Variants in RIOK3 observed in about 807,000 individuals in gnomAD.
RIOK3 encodes the protein RIO kinase 3, also known as serine/threonine-protein kinase RIO3.
A neutral mutation model predicts 63.5 loss-of-function variants in RIOK3; 40 were observed. The observed-to-expected ratio is 0.63, with a 90% CI of 0.49 to 0.82. RIOK3 has a LOEUF of 0.82. Ranked by LOEUF, RIOK3 falls within the 40% of genes least tolerant of loss-of-function variation. RIOK3 has a pLI of 0.00. For missense variants in RIOK3, 557 were observed against 637.0 expected (o/e 0.87, Z 1.35); for synonymous variants, 193 against 205.0 (o/e 0.94, Z 0.50).
Position 23,477,234 on chromosome 18 carries a change from A to G in RIOK3, c.1310A>G (p.Glu437Gly). 2 of 1,614,134 alleles carry G rather than the reference A, an allele frequency of 1.2e-6. No individual in the cohort carries two copies. Among genetic ancestry groups the G allele is most frequent in the South Asian group, 1.1e-5 (1 of 91,070 alleles). The change falls in exon 11 of 13, where the codon GAG becomes GGG. Residue 437 changes from glutamate to glycine, a missense_variant. Coordinates refer to ENST00000339486, the MANE Select transcript of RIOK3 (RefSeq NM_003831.5). Reference protein sequence around the residue: ...SVEPTHPHGLEFLFRDCRNVS... With the variant: ...SVEPTHPHGLGFLFRDCRNVS... The stretch of plus-strand genomic sequence containing the variant: ...GAACCTACCCACCCTCACGGCCTGG[A>G]GTTCTTGTTCCGGGACTGCAGGAAT...
rs574692143 is a variant in RIOK3, at chr18:23,462,006, C to T, written c.64-958C>T. Among the ~76,000 whole-genome samples the T allele has an allele frequency of 7.5e-5, 11 of 147,372 alleles. No homozygotes were observed. In the South Asian group the frequency reaches 2.6e-3, roughly 34 times the overall value. On this transcript the variant is annotated intron_variant, in intron 1 of 12. Coordinates refer to ENST00000339486, the MANE Select transcript of RIOK3 (RefSeq NM_003831.5). The stretch of plus-strand genomic sequence containing the variant: ...TCAGAAGGCTGAGGCAGGAGAATCG[C>T]TTGAACCCGGGGAGGTGGAGATTGC...
chr18:23,466,847 A>T (rs1197507569), intron 6 of RIOK3, among the ~76,000 whole-genome samples: 2 of 151,274 alleles, frequency 1.3e-5, no homozygotes, highest in Non-Finnish European at 2.9e-5. Context: ...CAAAAGTTTT[A>T]AAAAATTAGC....
At chr18:23,474,635 G>T (rs1214582595) in intron 8 of RIOK3, among the ~76,000 whole-genome samples, 1 of 152,066 alleles carries the variant, frequency 6.6e-6, no homozygotes, top group African/African-American at 2.4e-5. Flanking sequence ...GCATTCCCTT[G>T]CACTGTCTTT....
At chr18:23,477,971 C>T (rs1292136795) in intron 11 of RIOK3, among the ~76,000 whole-genome samples, 1 of 150,962 alleles carries the variant, frequency 6.6e-6, no homozygotes, top group Admixed American at 6.6e-5. Context: ...AGTTGGGAGG[C>T]TGAGGAAGGA....
Position 23,482,752 on chromosome 18 carries a change from A to G in RIOK3, c.*1473A>G, listed in dbSNP as rs1229177390. ...ATCCAAACTTTCTGTCTGGTAATAG[A>G]AAGTAAAAATCTAGACATCATTTAC... On this transcript the variant is annotated 3_prime_UTR_variant, in exon 13 of 13. Coordinates refer to ENST00000339486, the MANE Select transcript of RIOK3 (RefSeq NM_003831.5). 1 of 152,224 alleles carries G rather than the reference A, an allele frequency of 6.6e-6. No individual in the cohort carries two copies. Among genetic ancestry groups the G allele is most frequent in the Non-Finnish European group, 1.5e-5 (1 of 68,036 alleles). The allele number at this position is 152,224 out of a possible 1,614,324, so 9.4% of individuals were successfully genotyped here.
intron 11 of RIOK3, among the ~76,000 whole-genome samples, chr18:23,478,648 TATATATATATG>T: frequency 2.6e-5 from 1 of 38,172 alleles, no homozygotes; most frequent in African/African-American, 8.9e-5. Flanking sequence ...TATATATATA[TATATATATATG>T]GTAAAATTTA....
Position 23,477,275 on chromosome 18 carries a change from G to C in RIOK3, c.1344+7G>C, listed in dbSNP as rs374386975. On this transcript the variant is annotated splice_region_variant and intron_variant, in intron 11 of 12. Transcript: ENST00000339486. ...CTGCAGGAATGTCTCGCAGGTAGAC[G>C]TGTAAACCAATATGCCTTTTTTTGT... 40 of 1,610,668 alleles carry C rather than the reference G, an allele frequency of 2.5e-5. No homozygotes were observed. Among genetic ancestry groups the C allele is most frequent in the Non-Finnish European group, 3.2e-5 (38 of 1,176,954 alleles).
At chr18:23,457,975 A>G (rs902604855) in intron 1 of RIOK3, among the ~76,000 whole-genome samples, 3 of 150,508 alleles carry the variant, frequency 2.0e-5, no homozygotes, top group African/African-American at 7.3e-5. Flanking sequence ...GCTCACTGCA[A>G]CCTCCACCCC....
rs759063673 is a variant in RIOK3 at position 23,453,519 on chromosome 18, A to C, written c.63+17A>C. 2 of 1,598,484 alleles carry C rather than the reference A, an allele frequency of 1.3e-6. No individual in the cohort carries two copies. Among genetic ancestry groups the C allele is most frequent in the Admixed American group, 3.3e-5 (2 of 60,002 alleles). On this transcript the variant is annotated intron_variant, in intron 1 of 12. Coordinates refer to ENST00000339486, the MANE Select transcript of RIOK3 (RefSeq NM_003831.5). ...CCCAGCAAGGTAAGTGGCAGACGAG[A>C]CTGGAGTACTAGCCTTGGTCACACG...
chr18:23,472,089 C>T (rs34466616), intron 7 of RIOK3, among the ~76,000 whole-genome samples: 70,436 of 151,732 alleles, frequency 0.46, 17,743 homozygotes, highest in Middle Eastern at 0.63. Flanking sequence ...AAAAATTAGC[C>T]GGGCGTGGTG....
At chr18:23,463,634 C>T (rs140184244) in intron 2 of RIOK3, among the ~76,000 whole-genome samples, 1 of 152,236 alleles carries the variant, frequency 6.6e-6, no homozygotes, top group Admixed American at 6.5e-5. Context: ...GTCTCGAACT[C>T]CTGACCTCAG....
rs755838638 is a variant in RIOK3, at chr18:23,464,054, C to T, written c.267C>T (p.Asp89=). ...CTCAGATGCTACAGATGGAATATGA[C>T]AGAGAATATGATGCACAGCTTAGGC... ...MLAQMLQMEY[D]REYDAQLRRE... The change falls in exon 3 of 13, where the codon GAC becomes GAT. Residue 89 remains aspartate (D), a synonymous_variant. Coordinates refer to ENST00000339486, the MANE Select transcript of RIOK3 (RefSeq NM_003831.5). The T allele has an allele frequency of 6.2e-7, 1 of 1,613,356 alleles. No homozygotes were observed. Among genetic ancestry groups the T allele is most frequent in the East Asian group, 2.2e-5 (1 of 44,872 alleles).
intron 1 of RIOK3, among the ~76,000 whole-genome samples, chr18:23,453,754 C>G (rs1414652234): frequency 6.6e-6 from 1 of 152,256 alleles, no homozygotes; most frequent in Non-Finnish European, 1.5e-5. Context: ...AGCGTACTTT[C>G]TGTATCACCG....
intron 11 of RIOK3, 23 bp downstream of exon 11, chr18:23,477,291 C>T (rs780556860): frequency 6.3e-7 from 1 of 1,578,386 alleles, no homozygotes; most frequent in Non-Finnish European, 8.7e-7. Flanking sequence ...ACCAATATGC[C>T]TTTTTTTGTT....
chr18:23,459,453 G>A (rs2057360628), intron 1 of RIOK3, among the ~76,000 whole-genome samples: 1 of 152,174 alleles, frequency 6.6e-6, no homozygotes, highest in Non-Finnish European at 1.5e-5. Context: ...AGGGGTTCAT[G>A]CTCCATTGTG....
intron 1 of RIOK3, among the ~76,000 whole-genome samples, chr18:23,459,140 T>C (rs2057358669): frequency 6.6e-6 from 1 of 152,188 alleles, no homozygotes; most frequent in South Asian, 2.1e-4. Flanking sequence ...AATAACAAAA[T>C]TCCTGCCTGT....
At position 23,466,164 on chromosome 18, in the gene RIOK3, T is replaced by C; in HGVS notation, c.575T>C (p.Ile192Thr). ...CCTGAGTTTCAGGTAGGAGATGGAA[T>C]TGGAATGGATTTAAAACTATCAAAC... ...FAPEFQVGDGIGMDLKLSNHV... is the reference protein window; with the variant it reads ...FAPEFQVGDGTGMDLKLSNHV... The change falls in exon 6 of 13, where the codon ATT becomes ACT. Residue 192 changes from isoleucine (I) to threonine (T), a missense_variant. Coordinates refer to ENST00000339486, the MANE Select transcript of RIOK3 (RefSeq NM_003831.5). 1 of 1,604,406 alleles carries C rather than the reference T, an allele frequency of 6.2e-7. No individual in the cohort carries two copies. Among genetic ancestry groups the C allele is most frequent in the Admixed American group, 1.7e-5 (1 of 57,948 alleles).
At chr18:23,473,732 G>T (rs75011485) in intron 8 of RIOK3, 106 bp downstream of exon 8, 3 of 821,334 alleles carry the variant, frequency 3.7e-6, no homozygotes, top group African/African-American at 3.5e-5. Flanking sequence ...ATAATGAAAG[G>T]CCAGGTGTAT....
chr18:23,467,660 T>G, intron 7 of RIOK3, 134 bp downstream of exon 7: 1 of 778,732 alleles, frequency 1.3e-6, no homozygotes, highest in South Asian at 1.9e-5. Context: ...GTAGAAAGTC[T>G]AGGCAGTATA....
Sources: gnomAD v4.1 joint callset for allele counts (sites outside exome capture counted in the v4.1 genomes callset) on GRCh38, gnomAD v4.1.1 for gene constraint, MANE v1.5 for transcripts, NCBI Gene and HGNC (gene_info 2026-07-23, HGNC 2026-07-21) for gene names.